Variants in NPTN observed in about 807,000 individuals in gnomAD.
The protein encoded by NPTN is neuroplastin, also known as SDR-1.
Under a neutral mutation model 42.7 loss-of-function variants are expected in NPTN, and 5 were observed. The observed-to-expected ratio is 0.12, with a 90% CI of 0.06 to 0.25. The LOEUF is 0.25. Ranked by LOEUF, NPTN falls within the 10% of genes least tolerant of loss-of-function variation. The pLI, the probability that NPTN is intolerant of heterozygous loss-of-function variation, is 1.00. For synonymous variants in NPTN, 180 were observed against 201.9 expected (o/e 0.89, Z 0.92); for missense variants, 307 against 525.4 (o/e 0.58, Z 4.06).
chr15:73,631,196 G>A (rs1898720566), intron 1 of NPTN, among the ~76,000 whole-genome samples: 1 of 152,178 alleles, frequency 6.6e-6, no homozygotes, highest in Non-Finnish European at 1.5e-5. Flanking sequence ...TTAAGATCAA[G>A]AATCTCTCAC....
At chr15:73,599,740 T>C (rs1024673155) in intron 1 of NPTN, among the ~76,000 whole-genome samples, 4 of 152,226 alleles carry the variant, frequency 2.6e-5, no homozygotes, top group African/African-American at 9.6e-5. Context: ...AGTAAATCCC[T>C]GAAATGCAGT....
chr15:73,571,192 G>A (rs1057101940), intron 5 of NPTN, among the ~76,000 whole-genome samples: 1 of 152,210 alleles, frequency 6.6e-6, no homozygotes, highest in Admixed American at 6.5e-5. Flanking sequence ...GGCTGAGGCA[G>A]GAGGATCACA....
At chr15:73,563,864 C>A (rs1894830253) in intron 6 of NPTN, among the ~76,000 whole-genome samples, 1 of 152,170 alleles carries the variant, frequency 6.6e-6, no homozygotes, top group Middle Eastern at 3.2e-3. Context: ...ATGCCAGCAA[C>A]AAGTGTATGT....
At chr15:73,607,153 T>C (rs1176496523) in intron 1 of NPTN, among the ~76,000 whole-genome samples, 1 of 152,200 alleles carries the variant, frequency 6.6e-6, no homozygotes, top group Non-Finnish European at 1.5e-5. Context: ...CTCACTGCAG[T>C]GGTCTGGTCC....
chr15:73,580,479 ATAAAT>A (rs1566965762), intron 4 of NPTN, among the ~76,000 whole-genome samples: 1 of 134,500 alleles, frequency 7.4e-6, no homozygotes, highest in African/African-American at 3.0e-5. Context: ...TTATATATAC[ATAAAT>A]ATATATATAC....
Position 73,608,984 on chromosome 15 carries a change from G to A in NPTN, c.92-11615C>T, listed in dbSNP as rs189706191. 2.2e-3 allele frequency among the ~76,000 whole-genome samples: 335 copies of A among 152,238 alleles called. 2 individuals are homozygous for A. The highest frequency in any genetic ancestry group is 5.4e-3 in the Admixed American group (82 of 15,294). ...AGGTGGAGGCTGGAAATATGCACTTGGGAATCATCAGCTTATGGACGTTGA... is the reference window on the plus strand; with the variant it reads ...AGGTGGAGGCTGGAAATATGCACTTAGGAATCATCAGCTTATGGACGTTGA... On this transcript the variant is annotated intron_variant, in intron 1 of 8. Transcript: ENST00000345330.
In NPTN at chr15:73,567,588, CA is replaced by C. The variant is rs1292733755; in HGVS notation, c.1114+2561del. 3.0e-6 allele frequency: 3 copies of C among 985,222 alleles called. No homozygotes were observed. The African/African-American group carries it at 5.2e-5, about 17-fold the overall frequency. 61.0% of individuals were successfully genotyped at this position (985,222 alleles called of 1,614,324 possible). On this transcript the variant is annotated intron_variant, in intron 6 of 8. Coordinates refer to ENST00000345330, the MANE Select transcript of NPTN (RefSeq NM_012428.4). Reference sequence around the variant, plus strand: ...GGGAACTGGCTAAAGAAGGAAAAGGCAGAGAAGAAGGAAACTCACCAAAGAA... The same window carrying C: ...GGGAACTGGCTAAAGAAGGAAAAGGCGAGAAGAAGGAAACTCACCAAAGAA...
chr15:73,573,470 G>A (rs182819429), intron 5 of NPTN, among the ~76,000 whole-genome samples, 192 bp downstream of exon 5: 7 of 152,236 alleles, frequency 4.6e-5, no homozygotes, highest in South Asian at 2.1e-4. Flanking sequence ...AACAAATCAC[G>A]TACAGGGATT....
chr15:73,592,616 T>A (rs1331630733), intron 2 of NPTN, among the ~76,000 whole-genome samples: 1 of 152,166 alleles, frequency 6.6e-6, no homozygotes, highest in Admixed American at 6.5e-5. Context: ...ATTTAAATGT[T>A]AAACCTATGG....
chr15:73,630,672 A>G (rs1050028694), intron 1 of NPTN, among the ~76,000 whole-genome samples: 1 of 152,246 alleles, frequency 6.6e-6, no homozygotes, highest in African/African-American at 2.4e-5. Flanking sequence ...TTCCCAATTC[A>G]GAGATACTTG....
chr15:73,627,772 C>A (rs1413841451), intron 1 of NPTN, among the ~76,000 whole-genome samples: 1 of 152,122 alleles, frequency 6.6e-6, no homozygotes, highest in Non-Finnish European at 1.5e-5. Flanking sequence ...CCTTCCTAAA[C>A]TGAATAGATC....
intron 7 of NPTN, among the ~76,000 whole-genome samples, 170 bp downstream of exon 7, chr15:73,563,066 G>A (rs949665645): frequency 3.3e-5 from 5 of 152,090 alleles, no homozygotes; most frequent in African/African-American, 1.2e-4. Flanking sequence ...CCTATCCTGA[G>A]AATCAAGTGG....
At chr15:73,613,372 G>A (rs923465726) in intron 1 of NPTN, among the ~76,000 whole-genome samples, 9 of 152,054 alleles carry the variant, frequency 5.9e-5, no homozygotes, top group African/African-American at 2.2e-4. Context: ...ACCACCCTTA[G>A]CTAATTTTTC....
chr15:73,591,938 C>T (rs1166734735), intron 3 of NPTN, 28 bp downstream of exon 3: 2 of 1,589,204 alleles, frequency 1.3e-6, no homozygotes, highest in East Asian at 4.5e-5. Flanking sequence ...TCCCTCCCAC[C>T]TTCCCAGGAG....
chr15:73,573,832 CT>C, intron 4 of NPTN, 37 bp from the exon 5 acceptor site: 1 of 1,602,116 alleles, frequency 6.2e-7, no homozygotes, highest in East Asian at 2.3e-5. Flanking sequence ...CCACGGAAGT[CT>C]ACTCCAAACA....
chr15:73,568,962 C>T (rs1364534333), intron 6 of NPTN: 4 of 985,432 alleles, frequency 4.1e-6, no homozygotes, highest in Non-Finnish European at 4.8e-6. Flanking sequence ...TCTGGGGCCA[C>T]ATTCTTTCTG....
intron 1 of NPTN, among the ~76,000 whole-genome samples, chr15:73,608,869 T>C (rs1412592620): frequency 6.6e-6 from 1 of 152,190 alleles, no homozygotes; most frequent in Non-Finnish European, 1.5e-5. Context: ...ATACTATAAC[T>C]GTAATAAGGG....
chr15:73,566,202 A>G (rs1894991967), intron 6 of NPTN, among the ~76,000 whole-genome samples: 1 of 152,226 alleles, frequency 6.6e-6, no homozygotes, highest in Non-Finnish European at 1.5e-5. Context: ...TTTAGGTGTC[A>G]TTTTAAAAGT....
rs540735961 is a variant in NPTN at position 73,605,108 on chromosome 15, G to C, written c.92-7739C>G. On this transcript the variant is annotated intron_variant, in intron 1 of 8. Coordinates refer to ENST00000345330, the MANE Select transcript of NPTN (RefSeq NM_012428.4). ...TAGAGACCCTGTCTCAAGGGGGGGG[G>C]GGGAAAAGAATGATCTAAACTAGTC... Among the ~76,000 whole-genome samples the C allele has an allele frequency of 3.4e-5, 5 of 145,112 alleles. No homozygotes were observed. In the South Asian group the frequency reaches 8.9e-4, roughly 26 times the overall value.
Sources: gnomAD v4.1 joint callset for allele counts (sites outside exome capture counted in the v4.1 genomes callset) on GRCh38, gnomAD v4.1.1 for gene constraint, MANE v1.5 for transcripts, NCBI Gene and HGNC (gene_info 2026-07-23, HGNC 2026-07-21) for gene names.